PHLPP1: variants seen among roughly 807,000 people sequenced by gnomAD.
The protein encoded by PHLPP1 is PH domain and leucine rich repeat protein phosphatase 1, also known as PH domain leucine-rich repeat-containing protein phosphatase 1.
PHLPP1 carries 42 observed loss-of-function variants against 117.2 expected under a neutral mutation model. The observed-to-expected ratio is 0.36, with a 90% confidence interval of 0.28 to 0.46. The LOEUF (loss-of-function observed/expected upper bound fraction) is 0.46, where lower values mean the gene tolerates loss of function less well. Among genes scored for constraint, PHLPP1 ranks in the 20% least tolerant of loss-of-function variants. PHLPP1 has a pLI of 1.00. For synonymous variants in PHLPP1, 1,042 were observed against 970.7 expected (o/e 1.07, Z -1.37); for missense variants, 2,084 against 2,241.9 (o/e 0.93, Z 1.42).
chr18:62,727,319 T>C (rs1911102550), intron 1 of PHLPP1, among the ~76,000 whole-genome samples: 1 of 151,588 alleles, frequency 6.6e-6, no homozygotes, highest in South Asian at 2.1e-4. Flanking sequence ...TGATTTAAAA[T>C]GCCCCTTTTG....
intron 1 of PHLPP1, among the ~76,000 whole-genome samples, chr18:62,810,175 C>A (rs1231582367): frequency 1.3e-5 from 2 of 152,220 alleles, no homozygotes; most frequent in African/African-American, 4.8e-5. Context: ...ACAAAAATCA[C>A]TGTGTCCTTT....
intron 1 of PHLPP1, among the ~76,000 whole-genome samples, chr18:62,768,415 A>G (rs1912628290): frequency 1.3e-5 from 2 of 152,174 alleles, no homozygotes; most frequent in Non-Finnish European, 2.9e-5. Context: ...CTCAACAGTG[A>G]TATCATTGGC....
intron 1 of PHLPP1, among the ~76,000 whole-genome samples, chr18:62,766,079 ATATATATATATATATATATATAT>A (rs1912499044): frequency 5.2e-5 from 2 of 38,346 alleles, no homozygotes; most frequent in Non-Finnish European, 1.3e-4. Flanking sequence ...AAAAAAAAAT[ATATATATATATATATATATATAT>A]AAAATATATA....
intron 4 of PHLPP1, among the ~76,000 whole-genome samples, chr18:62,888,410 G>C (rs1392398959): frequency 6.7e-6 from 1 of 149,888 alleles, no homozygotes; most frequent in Non-Finnish European, 1.5e-5. Flanking sequence ...TCATTTATCT[G>C]GCTTACCTGG....
At chr18:62,806,855 A>G (rs1913966139) in intron 1 of PHLPP1, among the ~76,000 whole-genome samples, 1 of 152,136 alleles carries the variant, frequency 6.6e-6, no homozygotes, top group African/African-American at 2.4e-5. Context: ...TTGGGATTAG[A>G]TGAGCTCAGG....
chr18:62,775,416 T>A (rs1298945470), intron 1 of PHLPP1, among the ~76,000 whole-genome samples: 1 of 152,208 alleles, frequency 6.6e-6, no homozygotes, highest in African/African-American at 2.4e-5. Flanking sequence ...AAGACATTCC[T>A]TTTCTTTACT....
At chr18:62,847,571 ATGT>A (rs1027050109) in intron 3 of PHLPP1, among the ~76,000 whole-genome samples, 1 of 152,214 alleles carries the variant, frequency 6.6e-6, no homozygotes, top group African/African-American at 2.4e-5. Context: ...AAGTTGTAAA[ATGT>A]TGTTTTAATA....
intron 6 of PHLPP1, among the ~76,000 whole-genome samples, chr18:62,900,435 T>TTC (rs1916690906): frequency 3.1e-5 from 1 of 32,352 alleles, no homozygotes; most frequent in African/African-American, 8.0e-5. Flanking sequence ...TTTTCTTTCT[T>TTC]TTTTTTTTTT....
intron 1 of PHLPP1, among the ~76,000 whole-genome samples, chr18:62,821,581 A>AG (rs1914460183): frequency 6.6e-6 from 1 of 150,514 alleles, no homozygotes; most frequent in African/African-American, 2.4e-5. Context: ...AGAAAAGAAA[A>AG]AAGAAAAAGA....
chr18:62,925,516 C>T (rs1389411056), intron 10 of PHLPP1, among the ~76,000 whole-genome samples: 1 of 152,014 alleles, frequency 6.6e-6, no homozygotes, highest in Non-Finnish European at 1.5e-5. Context: ...GTTTCAGTGA[C>T]TCAGAATATG....
intron 1 of PHLPP1, among the ~76,000 whole-genome samples, chr18:62,744,785 T>G (rs306211): frequency 0.98 from 149,760 of 152,330 alleles, 73,662 homozygotes; most frequent in East Asian, 1. Context: ...TATGTTACTA[T>G]TATAACACTG....
At chr18:62,755,624 G>C (rs1420702029) in intron 1 of PHLPP1, among the ~76,000 whole-genome samples, 1 of 152,186 alleles carries the variant, frequency 6.6e-6, no homozygotes, top group African/African-American at 2.4e-5. Context: ...CTAGGAATCT[G>C]ACCCTCACCA....
At chr18:62,869,573 C>G (rs141892221) in intron 4 of PHLPP1, among the ~76,000 whole-genome samples, 1 of 152,178 alleles carries the variant, frequency 6.6e-6, no homozygotes, top group Non-Finnish European at 1.5e-5. Context: ...TGTACTTGAT[C>G]TAAATGGAGC....
In PHLPP1 at chr18:62,740,444, AT is replaced by A. The variant is rs1348773609; in HGVS notation, c.1576+23186del. Among the ~76,000 whole-genome samples, 4 of 152,222 alleles carry A rather than the reference AT, an allele frequency of 2.6e-5. No individual in the cohort carries two copies. The South Asian group carries it at 6.2e-4, about 24-fold the overall frequency. On this transcript the variant is annotated intron_variant, in intron 1 of 16. Coordinates refer to ENST00000262719, the MANE Select transcript of PHLPP1 (RefSeq NM_194449.4). ...GATTAAATCTGTTTATAAAGTGAAC[AT>A]AAAGACATGGTAAATTTTAAGTTCA...
In PHLPP1 at chr18:62,716,356, A is replaced by G; in HGVS notation, c.673A>G (p.Thr225Ala). 1 of 1,494,976 alleles carries G rather than the reference A, an allele frequency of 6.7e-7. No individual in the cohort carries two copies. Among genetic ancestry groups the G allele is most frequent in the Non-Finnish European group, 8.9e-7 (1 of 1,127,834 alleles). 92.6% of individuals were successfully genotyped at this position (1,494,976 alleles called of 1,614,324 possible). The change falls in exon 1 of 17, where the codon ACC (threonine) becomes GCC (alanine). Residue 225 changes from threonine (T) to alanine (A), a missense_variant. This residue lies in a region of PHLPP1 where 719 missense variants were observed against 636.0 expected (regional missense o/e 1.13). Transcript: ENST00000262719. The surrounding 1 kb of genome is among the most constrained non-coding windows in gnomAD (Gnocchi z 5.7). ...YLRPVLCTLD[T>A]TAGEVAARLL... ...GCGCCCGGTGCTCTGCACACTGGAC[A>G]CCACGGCCGGCGAGGTGGCCGCCCG...
In PHLPP1 at chr18:62,979,264, C is replaced by G; in HGVS notation, c.4987C>G (p.Gln1663Glu). The G allele has an allele frequency of 1.9e-6, 3 of 1,575,610 alleles. No individual in the cohort carries two copies. Among genetic ancestry groups the G allele is most frequent in the Non-Finnish European group, 2.6e-6 (3 of 1,160,152 alleles). Residue 1663 changes from glutamine to glutamate, a missense_variant, in exon 17 of 17, where the codon CAG becomes GAG. By Grantham distance (29) the Gln-to-Glu change is conservative (BLOSUM62 2). Around this residue, in one of 2 missense-constraint regions of PHLPP1, gnomAD observed 1,365 missense variants for 1,605.9 expected, o/e 0.85. Coordinates refer to ENST00000262719, the MANE Select transcript of PHLPP1 (RefSeq NM_194449.4). ...CCCGGCTCAGCCGGATCCTGATGAT[C>G]AGTTTATCATACCCCCGGAGCTGGA... ...AAPAQPDPDD[Q>E]FIIPPELEEE...
At chr18:62,777,951 G>T (rs1333512522) in intron 1 of PHLPP1, among the ~76,000 whole-genome samples, 1 of 152,082 alleles carries the variant, frequency 6.6e-6, no homozygotes, top group Non-Finnish European at 1.5e-5. Context: ...TTACTACCCT[G>T]CTGAAAAATC....
At chr18:62,722,614 C>T (rs562660785) in intron 1 of PHLPP1, among the ~76,000 whole-genome samples, 2 of 152,168 alleles carry the variant, frequency 1.3e-5, no homozygotes, top group South Asian at 2.1e-4. Context: ...TGTGATTCTA[C>T]GGCAAACCCT....
intron 1 of PHLPP1, among the ~76,000 whole-genome samples, chr18:62,827,830 T>TG: frequency 6.6e-6 from 1 of 152,342 alleles, no homozygotes; most frequent in South Asian, 2.1e-4. Context: ...TGATTTGCTC[T>TG]GGGGCTTTCT....
Sources: allele counts gnomAD v4.1 joint callset (sites outside exome capture counted in the v4.1 genomes callset), GRCh38; gene constraint gnomAD v4.1.1; regional missense constraint gnomAD v4.1.1; non-coding constraint Gnocchi (gnomAD v3.1); transcripts MANE v1.5; gene names NCBI Gene and HGNC (gene_info 2026-07-23, HGNC 2026-07-21).